The following ZNF441 variants were observed in gnomAD, a reference collection of about 807,000 sequenced individuals.
ZNF441 encodes zinc finger protein 441.
ZNF441 carries 25 observed loss-of-function variants against 64.5 expected under a neutral mutation model. The observed-to-expected ratio is 0.39, with a 90% CI of 0.28 to 0.54. The LOEUF is 0.54. Among genes scored for constraint, ZNF441 ranks in the 20% least tolerant of loss-of-function variants. The pLI, the probability that ZNF441 is intolerant of heterozygous loss-of-function variation, is 0.70. For missense variants in ZNF441, 715 were observed against 843.3 expected (o/e 0.85, Z 1.88); for synonymous variants, 262 against 268.0 (o/e 0.98, Z 0.22).
At position 11,782,803 on chromosome 19, in the gene ZNF441, G is replaced by A. The variant is rs1018496829; in HGVS notation, c.*897G>A. 2 of 152,178 alleles carry A rather than the reference G, an allele frequency of 1.3e-5. No homozygotes were observed. Among genetic ancestry groups the A allele is most frequent in the African/African-American group, 2.4e-5 (1 of 41,446 alleles). The allele number at this position is 152,178 out of a possible 1,614,324, so 9.4% of individuals were successfully genotyped here. ...GTTGCATGACAGGATTGTACCTGAAGATCACATTCTTTAACAATTGGACCT... is the reference window on the plus strand; with the variant it reads ...GTTGCATGACAGGATTGTACCTGAAAATCACATTCTTTAACAATTGGACCT... On this transcript the variant is annotated 3_prime_UTR_variant, in exon 4 of 4. Coordinates refer to ENST00000357901, the MANE Select transcript of ZNF441 (RefSeq NM_152355.3).
Position 11,782,120 on chromosome 19 carries a change from G to C in ZNF441, c.*214G>C, listed in dbSNP as rs286216. The C allele has an allele frequency of 0.45, 188,259 of 417,948 alleles. 45,630 individuals are homozygous for C. The highest frequency in any genetic ancestry group is 0.77 in the African/African-American group (38,342 of 49,708). The allele number at this position is 417,948 out of a possible 1,614,324, so 25.9% of individuals were successfully genotyped here. ...TGAGGAATATGAAAAAACTTTCTTT[G>C]TCTAGCAAACTTTCAAAGGTGGTTA... On this transcript the variant is annotated 3_prime_UTR_variant, in exon 4 of 4. Coordinates refer to ENST00000357901, the MANE Select transcript of ZNF441 (RefSeq NM_152355.3).
chr19:11,781,562 A>G lies in ZNF441; in HGVS notation c.1738A>G (p.Thr580Ala). The stretch of plus-strand genomic sequence containing the variant: ...CTCAAGCTTTCGAAGACACATGATA[A>G]CACATACTGGAAATGGACCTCATAA... ...DLSSFRRHMITHTGNGPHKCK... is the reference protein window; with the variant it reads ...DLSSFRRHMIAHTGNGPHKCK... The change falls in exon 4 of 4, where the codon ACA becomes GCA. Residue 580 changes from threonine (T) to alanine (A), a missense_variant. Thr to Ala is a moderately conservative substitution (Grantham distance 58, BLOSUM62 0). Transcript: ENST00000357901. 6.2e-7 allele frequency: 1 copy of G among 1,614,052 alleles called. No individual in the cohort carries two copies. Among genetic ancestry groups the G allele is most frequent in the Non-Finnish European group, 8.5e-7 (1 of 1,179,992 alleles).
At chr19:11,777,533 T>C in intron 1 of ZNF441, 78 bp from the exon 2 acceptor site, 1 of 1,506,952 alleles carries the variant, frequency 6.6e-7, no homozygotes, top group South Asian at 1.2e-5. Context: ...CAGCATCATG[T>C]GAAGGTTATG....
At chr19:11,779,870 C>T in intron 3 of ZNF441, 149 bp from the exon 4 acceptor site, 3 of 678,482 alleles carry the variant, frequency 4.4e-6, no homozygotes, top group Non-Finnish European at 4.7e-6. Flanking sequence ...GAGATCACAC[C>T]ACTACACTCC....
In ZNF441 at chr19:11,781,665, C is replaced by T; in HGVS notation, c.1841C>T (p.Pro614Leu). 2 of 1,614,098 alleles carry T rather than the reference C, an allele frequency of 1.2e-6. No individual in the cohort carries two copies. The highest frequency in any genetic ancestry group is 1.7e-6 in the Non-Finnish European group (2 of 1,179,994). ...GAAAGAACTCACACTGGAGAGAAAC[C>T]CTATGAATGCAAGGAATGTGGTAAA... ...RHERTHTGEKPYECKECGKAF... is the reference protein window; with the variant it reads ...RHERTHTGEKLYECKECGKAF... Residue 614 changes from proline (P) to leucine (L), a missense_variant, in exon 4 of 4, where the codon CCC becomes CTC. Pro to Leu is a moderately conservative substitution (Grantham distance 98). This residue lies in a region of ZNF441 where 316 missense variants were observed against 429.3 expected (regional missense o/e 0.74). Coordinates refer to ENST00000357901, the MANE Select transcript of ZNF441 (RefSeq NM_152355.3).
At chr19:11,771,295 C>T (rs927950177) in intron 1 of ZNF441, among the ~76,000 whole-genome samples, 4 of 152,106 alleles carry the variant, frequency 2.6e-5, no homozygotes, top group Middle Eastern at 3.2e-3. Context: ...TGGACCAATT[C>T]CTTGAATGAC....
At chr19:11,777,293 T>G (rs1241469690) in intron 1 of ZNF441, among the ~76,000 whole-genome samples, 1 of 151,940 alleles carries the variant, frequency 6.6e-6, no homozygotes, top group Non-Finnish European at 1.5e-5. Flanking sequence ...CAATAGGTAG[T>G]AGGACTTTGT....
chr19:11,779,919 AAAAG>A, intron 3 of ZNF441, 96 bp from the exon 4 acceptor site: 5 of 1,147,932 alleles, frequency 4.4e-6, no homozygotes, highest in Non-Finnish European at 6.1e-6. Flanking sequence ...TCAGAAAAAA[AAAAG>A]AAAAGAAAGA....
intron 1 of ZNF441, among the ~76,000 whole-genome samples, chr19:11,771,912 T>C (rs149660590): frequency 6.6e-6 from 1 of 152,354 alleles, no homozygotes; most frequent in East Asian, 1.9e-4. Flanking sequence ...TGTCCGCAGT[T>C]ACCTGGAGGC....
chr19:11,772,775 T>A (rs1351463573), intron 1 of ZNF441, among the ~76,000 whole-genome samples: 1 of 151,946 alleles, frequency 6.6e-6, no homozygotes, highest in African/African-American at 2.4e-5. Context: ...TAGTGGGAGT[T>A]CCAGCCACTC....
intron 1 of ZNF441, among the ~76,000 whole-genome samples, chr19:11,772,948 C>T (rs1469561194): frequency 1.3e-5 from 2 of 152,126 alleles, no homozygotes; most frequent in African/African-American, 4.8e-5. Flanking sequence ...CCTGCCACCA[C>T]GCCCGACTAA....
chr19:11,776,479 A>T (rs1343491548), intron 1 of ZNF441, among the ~76,000 whole-genome samples: 3 of 152,208 alleles, frequency 2.0e-5, no homozygotes, highest in Non-Finnish European at 4.4e-5. Context: ...AGATTTGGTC[A>T]TGTAATTTTT....
chr19:11,780,809 A>G lies in ZNF441; in HGVS notation c.985A>G (p.Thr329Ala), dbSNP rs184549854. The G allele has an allele frequency of 4.8e-5, 77 of 1,614,200 alleles. 3 individuals carry two copies. In the Admixed American group the frequency reaches 1.3e-3, roughly 27 times the overall value. The change falls in exon 4 of 4, where the codon ACT (threonine) becomes GCT (alanine). Residue 329 changes from threonine to alanine, a missense_variant. Coordinates refer to ENST00000357901, the MANE Select transcript of ZNF441 (RefSeq NM_152355.3). ...SPSSVRRHKR[T>A]HTGEKPYECK... ...CAGTTCAGTTCGAAGACATAAAAGA[A>G]CTCACACTGGAGAGAAACCGTATGA... is the stretch of plus-strand genomic sequence containing the variant.
Position 11,767,141 on chromosome 19 carries a change from C to G in ZNF441, c.-53C>G. 6.4e-7 allele frequency: 1 copy of G among 1,553,570 alleles called. No homozygotes were observed. Among genetic ancestry groups the G allele is most frequent in the Non-Finnish European group, 8.7e-7 (1 of 1,148,208 alleles). ...GTGGCAGCTTCTGTCTCGCTGGGAC[C>G]CGCACTGACAGCGGGAGGCAGAGGG... is the stretch of plus-strand genomic sequence containing the variant. On this transcript the variant is annotated 5_prime_UTR_variant, in exon 1 of 4. Coordinates refer to ENST00000357901, the MANE Select transcript of ZNF441 (RefSeq NM_152355.3). This position sits in a 1 kb window ranked among gnomAD's most constrained non-coding sequence, Gnocchi z 5.1.
In ZNF441 at chr19:11,783,294, T is replaced by A. The variant is rs991468851; in HGVS notation, c.*1388T>A. The A allele has an allele frequency of 6.6e-6, 1 of 152,152 alleles. No homozygotes were observed. The highest frequency in any genetic ancestry group is 6.5e-5 in the Admixed American group (1 of 15,270). The allele number at this position is 152,152 out of a possible 1,614,324, so 9.4% of individuals were successfully genotyped here. A position where few individuals can be genotyped will look rare whatever the true frequency, so the allele number is the denominator to read the frequency against. ...AAAAAAGATAAAAAACAACAAATGC[T>A]GATGAGGATGTGGAGAAAAGAAAAC... On this transcript the variant is annotated 3_prime_UTR_variant, in exon 4 of 4. Coordinates refer to ENST00000357901, the MANE Select transcript of ZNF441 (RefSeq NM_152355.3).
chr19:11,772,136 G>A (rs565764402), intron 1 of ZNF441, among the ~76,000 whole-genome samples: 2 of 152,266 alleles, frequency 1.3e-5, no homozygotes, highest in East Asian at 1.9e-4. Context: ...AAGGGCCCCC[G>A]TCCAGTGGAC....
In ZNF441 at chr19:11,781,328, C is replaced by T; in HGVS notation, c.1504C>T (p.Pro502Ser). The T allele has an allele frequency of 1.2e-6, 2 of 1,613,712 alleles. No individual in the cohort carries two copies. Among genetic ancestry groups the T allele is most frequent in the East Asian group, 2.2e-5 (1 of 44,866 alleles). ...RHMIMHTGDG[P>S]HKCKICGKSF... ...CATGATAATGCACACTGGAGATGGA[C>T]CTCATAAATGTAAGATATGTGGGAA... The change falls in exon 4 of 4, where the codon CCT (proline) becomes TCT (serine). Residue 502 changes from proline (P) to serine (S), a missense_variant. Transcript: ENST00000357901.
At chr19:11,779,374 C>G (rs547407843) in intron 3 of ZNF441, among the ~76,000 whole-genome samples, 19 of 150,004 alleles carry the variant, frequency 1.3e-4, no homozygotes, top group African/African-American at 4.2e-4. Flanking sequence ...GGTGGCTCAC[C>G]CTTGTAATCC....
intron 1 of ZNF441, among the ~76,000 whole-genome samples, chr19:11,773,245 T>C (rs935130474): frequency 6.6e-6 from 1 of 152,214 alleles, no homozygotes; most frequent in African/African-American, 2.4e-5. Flanking sequence ...CTCCAGGTTT[T>C]TAGGCTTTTC....
Sources: allele counts gnomAD v4.1 joint callset (sites outside exome capture counted in the v4.1 genomes callset), GRCh38; gene constraint gnomAD v4.1.1; regional missense constraint gnomAD v4.1.1; non-coding constraint Gnocchi (gnomAD v3.1); transcripts MANE v1.5; gene names NCBI Gene and HGNC (gene_info 2026-07-23, HGNC 2026-07-21).